The following IMMP2L variants were observed in gnomAD, a reference collection of about 807,000 sequenced individuals.
IMMP2L encodes the protein mitochondrial inner membrane protease subunit 2.
Under a neutral mutation model 19.3 loss-of-function variants are expected in IMMP2L, and 18 were observed. The observed-to-expected ratio is 0.93, with a 90% CI of 0.64 to 1.38. IMMP2L has a LOEUF of 1.38. IMMP2L is among the 40% of genes most tolerant of loss of function. The probability of loss-of-function intolerance (pLI) is 0.00; values close to 1 mark genes in which losing one functional copy is unlikely to be tolerated. For missense variants in IMMP2L, 233 were observed against 218.2 expected (o/e 1.07, Z -0.43); for synonymous variants, 76 against 73.0 (o/e 1.04, Z -0.21).
intron 4 of IMMP2L, among the ~76,000 whole-genome samples, chr7:110,893,299 T>C (rs1810991536): frequency 6.6e-6 from 1 of 152,118 alleles, no homozygotes; most frequent in Admixed American, 6.6e-5. Context: ...GCCACAAACC[T>C]TACATTTATA....
chr7:111,493,833 C>T (rs944482549), intron 2 of IMMP2L, among the ~76,000 whole-genome samples: 2 of 151,340 alleles, frequency 1.3e-5, no homozygotes, highest in Non-Finnish European at 2.9e-5. Context: ...ACGGTGAAAC[C>T]CCGTCTCTGC....
intron 2 of IMMP2L, among the ~76,000 whole-genome samples, chr7:111,491,172 C>A (rs1276939973): frequency 3.9e-5 from 6 of 152,090 alleles, no homozygotes; most frequent in Non-Finnish European, 5.9e-5. Context: ...ATAACATTTT[C>A]TTTTCCCTAT....
intron 3 of IMMP2L, among the ~76,000 whole-genome samples, chr7:111,256,929 C>T (rs538440638): frequency 6.6e-6 from 1 of 152,190 alleles, no homozygotes; most frequent in African/African-American, 2.4e-5. Flanking sequence ...CTCCAGAGAT[C>T]TTTCTAAAGA....
chr7:111,406,830 C>A (rs981047122), intron 3 of IMMP2L, among the ~76,000 whole-genome samples: 31 of 151,934 alleles, frequency 2.0e-4, no homozygotes, highest in Admixed American at 2.0e-3. Flanking sequence ...TTGGGGAGTG[C>A]CCTTAGGAAC....
intron 3 of IMMP2L, among the ~76,000 whole-genome samples, chr7:111,370,239 C>G (rs896564932): frequency 1.3e-5 from 2 of 151,940 alleles, no homozygotes; most frequent in African/African-American, 4.8e-5. Flanking sequence ...CATCTCTCAG[C>G]CCCAATTTCA....
intron 5 of IMMP2L, among the ~76,000 whole-genome samples, chr7:110,843,627 A>T (rs1805329855): frequency 6.6e-6 from 1 of 151,896 alleles, no homozygotes; most frequent in Non-Finnish European, 1.5e-5. Flanking sequence ...AACTCGGTGA[A>T]CAGGATGGAC....
chr7:111,189,396 A>G (rs1292654548), intron 3 of IMMP2L, among the ~76,000 whole-genome samples: 13 of 150,840 alleles, frequency 8.6e-5, no homozygotes, highest in African/African-American at 3.2e-4. Flanking sequence ...AAATACTACA[A>G]GGGCCTGCCA....
At chr7:111,554,090 G>A (rs763125770) in intron 1 of IMMP2L, among the ~76,000 whole-genome samples, 2 of 152,060 alleles carry the variant, frequency 1.3e-5, no homozygotes, top group Non-Finnish European at 2.9e-5. Flanking sequence ...TTTCTTCTAA[G>A]CCATGTTTTA....
intron 3 of IMMP2L, among the ~76,000 whole-genome samples, chr7:111,004,224 T>C (rs1481416397): frequency 1.3e-5 from 2 of 152,040 alleles, no homozygotes; most frequent in East Asian, 2.0e-4. Context: ...TAATTCTCTT[T>C]TGGAGTGCAA....
At chr7:111,220,354 G>T (rs971145801) in intron 3 of IMMP2L, among the ~76,000 whole-genome samples, 9 of 151,884 alleles carry the variant, frequency 5.9e-5, no homozygotes, top group Non-Finnish European at 1.3e-4. Flanking sequence ...ATCCTATAAA[G>T]CAAGTTCAGA....
Position 111,274,131 on chromosome 7 carries a change from T to C in IMMP2L, c.239+213107A>G, listed in dbSNP as rs77180721. ...GTTTTTCCCAGGGGGAAAAAATCAA[T>C]GTAAATCCAAATAAAATATAGTAGA... On this transcript the variant is annotated intron_variant, in intron 3 of 5. Coordinates refer to ENST00000405709, the MANE Select transcript of IMMP2L (RefSeq NM_032549.4). Among the ~76,000 whole-genome samples, 1,504 of 152,098 alleles carry C rather than the reference T, an allele frequency of 9.9e-3. 39 individuals carry two copies. The highest frequency in any genetic ancestry group is 0.035 in the African/African-American group (1,438 of 41,512).
At chr7:110,987,739 A>G (rs1822008249) in intron 3 of IMMP2L, among the ~76,000 whole-genome samples, 1 of 152,178 alleles carries the variant, frequency 6.6e-6, no homozygotes, top group Non-Finnish European at 1.5e-5. Context: ...TAAGAACAGA[A>G]TATCTTTTTG....
At chr7:110,984,735 G>A (rs1821678067) in intron 3 of IMMP2L, among the ~76,000 whole-genome samples, 1 of 151,906 alleles carries the variant, frequency 6.6e-6, no homozygotes, top group African/African-American at 2.4e-5. Context: ...AAACACTTAG[G>A]AAACAAAAAT....
intron 5 of IMMP2L, among the ~76,000 whole-genome samples, chr7:110,799,506 T>C (rs1801097096): frequency 6.6e-6 from 1 of 152,072 alleles, no homozygotes. Context: ...TTTTATATCA[T>C]TGAATTTGTT....
chr7:110,793,836 A>C (rs948143641), intron 5 of IMMP2L, among the ~76,000 whole-genome samples: 1 of 152,108 alleles, frequency 6.6e-6, no homozygotes, highest in Non-Finnish European at 1.5e-5. Context: ...ATCACGTTTT[A>C]TACCTTAATT....
chr7:111,463,931 C>T (rs1585207232), intron 3 of IMMP2L, among the ~76,000 whole-genome samples: 1 of 152,126 alleles, frequency 6.6e-6, no homozygotes, highest in African/African-American at 2.4e-5. Context: ...GCATGGCTGC[C>T]ACAAATTGAG....
At chr7:111,192,198 A>T (rs148512882) in intron 3 of IMMP2L, among the ~76,000 whole-genome samples, 2 of 152,206 alleles carry the variant, frequency 1.3e-5, no homozygotes, top group African/African-American at 4.8e-5. Flanking sequence ...ATCAGCCTTG[A>T]TCAGATTATT....
intron 1 of IMMP2L, among the ~76,000 whole-genome samples, chr7:111,541,472 A>G (rs1848498949): frequency 6.6e-6 from 1 of 152,210 alleles, no homozygotes; most frequent in African/African-American, 2.4e-5. Flanking sequence ...TTTGCAAATA[A>G]GCACCAATAA....
chr7:111,222,556 T>C (rs912669210), intron 3 of IMMP2L, among the ~76,000 whole-genome samples: 45 of 151,950 alleles, frequency 3.0e-4, no homozygotes, highest in Non-Finnish European at 5.7e-4. Context: ...ATAGTCAATA[T>C]GCATATGAAA....
Sources: gnomAD v4.1 joint callset for allele counts (sites outside exome capture counted in the v4.1 genomes callset) on GRCh38, gnomAD v4.1.1 for gene constraint, MANE v1.5 for transcripts, NCBI Gene and HGNC (gene_info 2026-07-23, HGNC 2026-07-21) for gene names.